SUGP1: variants seen among roughly 807,000 people sequenced by gnomAD.
SUGP1 encodes SURP and G-patch domain containing 1.
Under a neutral mutation model 76.5 loss-of-function variants are expected in SUGP1, and 34 were observed. The observed-to-expected ratio is 0.44, with a 90% CI of 0.34 to 0.59. The LOEUF is 0.59. SUGP1 is among the 20% of genes least tolerant of loss of function. SUGP1 has a pLI of 0.01. For missense variants in SUGP1, 752 were observed against 851.7 expected (o/e 0.88, Z 1.46); for synonymous variants, 326 against 326.2 (o/e 1.00, Z 0.01).
chr19:19,278,487 C>G (rs1388708192), intron 11 of SUGP1, among the ~76,000 whole-genome samples: 1 of 152,206 alleles, frequency 6.6e-6, no homozygotes, highest in African/African-American at 2.4e-5. Context: ...GGAAATGTTT[C>G]TGAGGCAGCA....
In SUGP1 at chr19:19,301,979, G is replaced by A. The variant is rs375479167; in HGVS notation, c.887+286C>T. On this transcript the variant is annotated intron_variant, in intron 7 of 13. Transcript: ENST00000247001. ...GCCAAGGGCTGCTGTGTGTCCCAAA[G>A]GCAACTGGGCAAGTGCTAGAGACTT... The A allele has an allele frequency of 1.8e-4, 77 of 428,210 alleles. No individual in the cohort carries two copies. In the East Asian group the frequency reaches 2.1e-3, roughly 12 times the overall value. The allele number at this position is 428,210 out of a possible 1,614,324, so 26.5% of individuals were successfully genotyped here. A position where few individuals can be genotyped will look rare whatever the true frequency, so the allele number is the denominator to read the frequency against.
At chr19:19,310,524 C>T (rs2061345944) in intron 2 of SUGP1, among the ~76,000 whole-genome samples, 1 of 152,230 alleles carries the variant, frequency 6.6e-6, no homozygotes, top group Admixed American at 6.5e-5. Context: ...CTCTGCACAG[C>T]ACCTGTCCTC....
intron 7 of SUGP1, among the ~76,000 whole-genome samples, chr19:19,300,580 T>C (rs1364449815): frequency 6.6e-6 from 1 of 152,184 alleles, no homozygotes; most frequent in African/African-American, 2.4e-5. Context: ...TGACCCTGCA[T>C]GGAGATTAAA....
Position 19,280,264 on chromosome 19 carries a change from T to G in SUGP1, c.1271A>C (p.Glu424Ala). ...CACTAGACCCACAGGCTTCCCCTTC[T>G]CATAGCCGAGCCCCTTGAGGTCCTG... is the stretch of plus-strand genomic sequence containing the variant. ...SVQDLKGLGY[E>A]KGKPVGLVGV... is the part of the protein sequence containing the mutation. Residue 424 changes from glutamate to alanine, a missense_variant, in exon 9 of 14, where the codon GAG becomes GCG. Glu to Ala is a moderately radical substitution (Grantham distance 107). Coordinates refer to ENST00000247001, the MANE Select transcript of SUGP1 (RefSeq NM_172231.4). 2 of 1,613,956 alleles carry G rather than the reference T, an allele frequency of 1.2e-6. No homozygotes were observed. The highest frequency in any genetic ancestry group is 1.7e-6 in the Non-Finnish European group (2 of 1,179,980).
Position 19,305,578 on chromosome 19 carries a change from G to A in SUGP1, c.538+271C>T. On this transcript the variant is annotated intron_variant, in intron 4 of 13. Transcript: ENST00000247001. ...GAGAAGGGCGTGCGCCCCTGCCTTGGCTGGGATGAGCCGCTGTGTGAGTGG... is the reference window on the plus strand; with the variant it reads ...GAGAAGGGCGTGCGCCCCTGCCTTGACTGGGATGAGCCGCTGTGTGAGTGG... 1.1e-5 allele frequency: 4 copies of A among 376,980 alleles called. No individual in the cohort carries two copies. In the South Asian group the frequency reaches 2.0e-4, roughly 19 times the overall value. The allele number at this position is 376,980 out of a possible 1,614,324, so 23.4% of individuals were successfully genotyped here.
At chr19:19,287,808 A>G (rs966770673) in intron 8 of SUGP1, among the ~76,000 whole-genome samples, 1 of 152,206 alleles carries the variant, frequency 6.6e-6, no homozygotes, top group Non-Finnish European at 1.5e-5. Context: ...ACTAAGTGTA[A>G]ATGGTAGAAG....
intron 1 of SUGP1, among the ~76,000 whole-genome samples, chr19:19,317,504 T>A (rs190460353): frequency 1.3e-5 from 2 of 152,236 alleles, no homozygotes; most frequent in Admixed American, 1.3e-4. Context: ...AGCACTAAGA[T>A]GAAGAATGCA....
intron 8 of SUGP1, 112 bp downstream of exon 8, chr19:19,296,877 G>A: frequency 1.0e-6 from 1 of 974,962 alleles, no homozygotes; most frequent in Non-Finnish European, 1.5e-6. Context: ...TATGGCCACA[G>A]AAGGAATGAA....
At chr19:19,277,194 C>T (rs918639823) in intron 12 of SUGP1, 118 bp from the exon 13 acceptor site, 11 of 1,216,014 alleles carry the variant, frequency 9.0e-6, no homozygotes, top group South Asian at 8.7e-5. Context: ...TGGGACATAT[C>T]TGCACAGAGA....
chr19:19,312,263 G>GA (rs2146627160), intron 2 of SUGP1, among the ~76,000 whole-genome samples: 1 of 144,856 alleles, frequency 6.9e-6, no homozygotes, highest in South Asian at 2.5e-4. Flanking sequence ...GAAAGGAATG[G>GA]AAAAACCCAA....
intron 8 of SUGP1, among the ~76,000 whole-genome samples, chr19:19,282,864 T>C (rs557855011): frequency 6.6e-6 from 1 of 152,162 alleles, no homozygotes; most frequent in African/African-American, 2.4e-5. Context: ...GATCACAAGG[T>C]CAGAAGATCG....
At position 19,310,307 on chromosome 19, in the gene SUGP1, T is replaced by C. The variant is rs571950395; in HGVS notation, c.207-107A>G. ...CCATCACCTCGTCCATCATGGCCCCTAACTCACCCCAGCACTCTCACCTAC... is the reference window on the plus strand; with the variant it reads ...CCATCACCTCGTCCATCATGGCCCCCAACTCACCCCAGCACTCTCACCTAC... On this transcript the variant is annotated intron_variant, in intron 2 of 13. Transcript: ENST00000247001. 43 of 840,788 alleles carry C rather than the reference T, an allele frequency of 5.1e-5. No individual in the cohort carries two copies. The African/African-American group carries it at 6.7e-4, about 13-fold the overall frequency. The allele number at this position is 840,788 out of a possible 1,614,324, so 52.1% of individuals were successfully genotyped here. A position where few individuals can be genotyped will look rare whatever the true frequency, so the allele number is the denominator to read the frequency against.
chr19:19,279,174 TGCCCA>T (rs775210803), intron 10 of SUGP1, 34 bp downstream of exon 10: 4 of 1,528,668 alleles, frequency 2.6e-6, no homozygotes, highest in South Asian at 1.2e-5. Flanking sequence ...AGGGGGGCCA[TGCCCA>T]GCCCAGCCCG....
intron 3 of SUGP1, among the ~76,000 whole-genome samples, chr19:19,307,827 G>C (rs1568633404): frequency 6.6e-6 from 1 of 152,018 alleles, no homozygotes; most frequent in African/African-American, 2.4e-5. Flanking sequence ...ACCATGCCCA[G>C]CTAATTTTTG....
At chr19:19,315,005 G>A (rs1317410430) in intron 2 of SUGP1, among the ~76,000 whole-genome samples, 2 of 151,756 alleles carry the variant, frequency 1.3e-5, no homozygotes, top group Non-Finnish European at 2.9e-5. Flanking sequence ...CTGCACTCTA[G>A]CCTAGGCAAC....
At chr19:19,293,739 C>T (rs2061203577) in intron 8 of SUGP1, among the ~76,000 whole-genome samples, 4 of 152,212 alleles carry the variant, frequency 2.6e-5, no homozygotes, top group Non-Finnish European at 4.4e-5. Flanking sequence ...CAAGGATGCA[C>T]ACTTCCACCA....
intron 8 of SUGP1, among the ~76,000 whole-genome samples, chr19:19,284,028 A>C (rs1028561957): frequency 4.6e-5 from 7 of 152,236 alleles, no homozygotes; most frequent in Non-Finnish European, 8.8e-5. Flanking sequence ...ATCTCTGCAC[A>C]AGCTGTTTGT....
chr19:19,283,746 G>C lies in SUGP1; in HGVS notation c.1244-3455C>G, dbSNP rs181828411. Among the ~76,000 whole-genome samples, 1,072 of 151,496 alleles carry C rather than the reference G, an allele frequency of 7.1e-3. 14 individuals carry two copies. The highest frequency in any genetic ancestry group is 0.025 in the African/African-American group (1,019 of 41,260). ...TGGGATTACAGGCGTGAGCCACCAC[G>C]TCCGGCCAATTTTGTATTTTTAGTA... is the stretch of plus-strand genomic sequence containing the variant. On this transcript the variant is annotated intron_variant, in intron 8 of 13. Coordinates refer to ENST00000247001, the MANE Select transcript of SUGP1 (RefSeq NM_172231.4).
At position 19,310,205 on chromosome 19, in the gene SUGP1, A is replaced by G. The variant is rs768692564; in HGVS notation, c.207-5T>C. On this transcript the variant is annotated splice_polypyrimidine_tract_variant and splice_region_variant and intron_variant, in intron 2 of 13. Coordinates refer to ENST00000247001, the MANE Select transcript of SUGP1 (RefSeq NM_172231.4). Reference sequence around the variant, plus strand: ...GAGTTGTGTGCATTTGTGATTCTAGAACCAAGACAGAGGACAGAGAGGGTG... The same window carrying G: ...GAGTTGTGTGCATTTGTGATTCTAGGACCAAGACAGAGGACAGAGAGGGTG... The G allele has an allele frequency of 1.1e-5, 18 of 1,610,718 alleles. No individual in the cohort carries two copies. Among genetic ancestry groups the G allele is most frequent in the Admixed American group, 8.3e-5 (5 of 59,962 alleles).
Sources: allele counts gnomAD v4.1 joint callset (sites outside exome capture counted in the v4.1 genomes callset), GRCh38; gene constraint gnomAD v4.1.1; transcripts MANE v1.5; gene names NCBI Gene and HGNC (gene_info 2026-07-23, HGNC 2026-07-21).